Variants in ARL8B observed in about 807,000 individuals in gnomAD.
The protein encoded by ARL8B is ADP-ribosylation factor-like protein 8B.
Under a neutral mutation model 30.6 loss-of-function variants are expected in ARL8B, and 9 were observed. The observed-to-expected ratio is 0.29, with a 90% CI of 0.18 to 0.51. The LOEUF is 0.51. Among genes scored for constraint, ARL8B ranks in the 20% least tolerant of loss-of-function variants. ARL8B has a pLI of 0.97. For synonymous variants in ARL8B, 74 were observed against 76.0 expected (o/e 0.97, Z 0.14); for missense variants, 130 against 227.2 (o/e 0.57, Z 2.75).
At chr3:5,160,230 T>C (rs2054569324) in intron 1 of ARL8B, among the ~76,000 whole-genome samples, 1 of 152,234 alleles carries the variant, frequency 6.6e-6, no homozygotes, top group African/African-American at 2.4e-5. Flanking sequence ...AGTGTCCCTT[T>C]TTATGTTGCT....
chr3:5,137,903 ATTC>A (rs2054341836), intron 1 of ARL8B, among the ~76,000 whole-genome samples: 1 of 151,888 alleles, frequency 6.6e-6, no homozygotes, highest in African/African-American at 2.4e-5. Flanking sequence ...TCTGATTCTG[ATTC>A]TTCTTTTTAA....
intron 1 of ARL8B, among the ~76,000 whole-genome samples, chr3:5,158,296 C>T (rs1232869842): frequency 6.6e-6 from 1 of 152,072 alleles, no homozygotes; most frequent in Non-Finnish European, 1.5e-5. Flanking sequence ...GGCATGCATT[C>T]TGTCCAGGGT....
intron 1 of ARL8B, among the ~76,000 whole-genome samples, chr3:5,124,321 G>T (rs2054210713): frequency 7.6e-6 from 1 of 131,048 alleles, no homozygotes; most frequent in Non-Finnish European, 1.5e-5. Flanking sequence ...TGCCAGGCCA[G>T]CCTTGAACTC....
chr3:5,148,856 C>G (rs1428049423), intron 1 of ARL8B, among the ~76,000 whole-genome samples: 1 of 152,150 alleles, frequency 6.6e-6, no homozygotes, highest in Admixed American at 6.5e-5. Flanking sequence ...AGCATTCTCC[C>G]CAAAGGACTA....
At chr3:5,139,459 A>C (rs79866650) in intron 1 of ARL8B, among the ~76,000 whole-genome samples, 1 of 152,152 alleles carries the variant, frequency 6.6e-6, no homozygotes, top group Admixed American at 6.5e-5. Context: ...GGGGTTATGG[A>C]GATGTTGTCA....
chr3:5,122,614 C>G (rs755336760), intron 1 of ARL8B, 26 bp downstream of exon 1: 2 of 1,581,100 alleles, frequency 1.3e-6, no homozygotes, highest in South Asian at 2.3e-5. Context: ...CTCACTCGCC[C>G]GGGGCTCCGC....
At chr3:5,158,493 T>C (rs1025919174) in intron 1 of ARL8B, among the ~76,000 whole-genome samples, 1 of 152,214 alleles carries the variant, frequency 6.6e-6, no homozygotes, top group African/African-American at 2.4e-5. Context: ...GTAGAGACTG[T>C]GGTTATCTCC....
chr3:5,130,221 A>C (rs1161345349), intron 1 of ARL8B, among the ~76,000 whole-genome samples: 3 of 149,754 alleles, frequency 2.0e-5, no homozygotes, highest in Non-Finnish European at 4.4e-5. Flanking sequence ...ACTTCATCTC[A>C]CTGTGTTGCT....
chr3:5,174,557 C>T lies in ARL8B; in HGVS notation c.511+143C>T, dbSNP rs1162484843. ...CTTTTGCCTGAGAAAAAAGAATAGACATACCTTTTGACAACAAATATAGTG... is the reference window on the plus strand; with the variant it reads ...CTTTTGCCTGAGAAAAAAGAATAGATATACCTTTTGACAACAAATATAGTG... On this transcript the variant is annotated intron_variant, in intron 6 of 6. Coordinates refer to ENST00000256496, the MANE Select transcript of ARL8B (RefSeq NM_018184.3). 7 of 576,226 alleles carry T rather than the reference C, an allele frequency of 1.2e-5. No individual in the cohort carries two copies. The East Asian group carries it at 1.5e-4, about 12-fold the overall frequency. The allele number at this position is 576,226 out of a possible 1,614,324, so 35.7% of individuals were successfully genotyped here. A position where few individuals can be genotyped will look rare whatever the true frequency, so the allele number is the denominator to read the frequency against.
chr3:5,178,267 G>A (rs1403682888), intron 6 of ARL8B, among the ~76,000 whole-genome samples: 1 of 151,930 alleles, frequency 6.6e-6, no homozygotes, highest in Non-Finnish European at 1.5e-5. Flanking sequence ...AGTTCTGTGG[G>A]GTGGCCCCCA....
chr3:5,149,677 G>A (rs1485712214), intron 1 of ARL8B, among the ~76,000 whole-genome samples: 2 of 152,170 alleles, frequency 1.3e-5, no homozygotes, highest in African/African-American at 4.8e-5. Flanking sequence ...TTCCTTTTAT[G>A]GGCTGACCCC....
chr3:5,177,521 A>G (rs2054740924), intron 6 of ARL8B, among the ~76,000 whole-genome samples: 1 of 151,142 alleles, frequency 6.6e-6, no homozygotes, highest in African/African-American at 2.4e-5. Context: ...CAGTGGCGCA[A>G]TTTTGGCTCA....
chr3:5,129,038 T>C (rs2054257968), intron 1 of ARL8B, among the ~76,000 whole-genome samples: 1 of 152,222 alleles, frequency 6.6e-6, no homozygotes, highest in Non-Finnish European at 1.5e-5. Context: ...CCTATTGTAC[T>C]CAATTTGATC....
intron 1 of ARL8B, among the ~76,000 whole-genome samples, chr3:5,161,108 T>C (rs7614778): frequency 0.42 from 63,376 of 152,084 alleles, 14,726 homozygotes; most frequent in African/African-American, 0.65. Context: ...TTTGTAGAGA[T>C]GGGGTCTTGC....
chr3:5,138,391 AG>A (rs1283920048), intron 1 of ARL8B, among the ~76,000 whole-genome samples: 1 of 152,186 alleles, frequency 6.6e-6, no homozygotes, highest in Admixed American at 6.5e-5. Flanking sequence ...AATCACTTTT[AG>A]GGCTTTTAAG....
At chr3:5,136,265 C>T (rs1011045367) in intron 1 of ARL8B, among the ~76,000 whole-genome samples, 1 of 152,076 alleles carries the variant, frequency 6.6e-6, no homozygotes, top group Non-Finnish European at 1.5e-5. Context: ...TCTTTTGGCC[C>T]TCTTGCTTTA....
chr3:5,175,511 A>G (rs1255963212), intron 6 of ARL8B, among the ~76,000 whole-genome samples: 1 of 152,226 alleles, frequency 6.6e-6, no homozygotes, highest in East Asian at 1.9e-4. Flanking sequence ...TATTACTGCA[A>G]TATGTTAGCA....
At chr3:5,131,130 G>A (rs1489299368) in intron 1 of ARL8B, among the ~76,000 whole-genome samples, 1 of 151,930 alleles carries the variant, frequency 6.6e-6, no homozygotes, top group Non-Finnish European at 1.5e-5. Flanking sequence ...CCAGGCTGGT[G>A]TCAAACTCCT....
At chr3:5,150,083 T>C (rs1421849238) in intron 1 of ARL8B, among the ~76,000 whole-genome samples, 2 of 152,192 alleles carry the variant, frequency 1.3e-5, no homozygotes, top group Admixed American at 1.3e-4. Context: ...ATGAGGGTAA[T>C]GCAGGGCTCA....
Sources: gnomAD v4.1 joint callset for allele counts (sites outside exome capture counted in the v4.1 genomes callset) on GRCh38, gnomAD v4.1.1 for gene constraint, MANE v1.5 for transcripts, NCBI Gene and HGNC (gene_info 2026-07-23, HGNC 2026-07-21) for gene names.